Variants in NTRK2 observed in about 807,000 individuals in gnomAD.
NTRK2 encodes neurotrophic receptor tyrosine kinase 2.
NTRK2 carries 13 observed loss-of-function variants against 94.5 expected under a neutral mutation model. That is an observed-to-expected ratio of 0.14 (90% CI 0.09 to 0.22). The LOEUF is 0.22. Among genes scored for constraint, NTRK2 ranks in the 10% least tolerant of loss-of-function variants. The pLI, the probability that NTRK2 is intolerant of heterozygous loss-of-function variation, is 1.00. For missense variants in NTRK2, 639 were observed against 1,071.2 expected, an observed-to-expected ratio of 0.60 and a Z score of 5.63; for synonymous variants, 372 against 407.4, an observed-to-expected ratio of 0.91 and a Z score of 1.05.
Position 84,882,714 on chromosome 9 carries a change from GTGTGTGCGCGCGCGCGCGCA to G in NTRK2, c.1633+15291_1633+15310del, listed in dbSNP as rs985323949. On this transcript the variant is annotated intron_variant, in intron 14 of 18. Coordinates refer to ENST00000277120, the MANE Select transcript of NTRK2 (RefSeq NM_006180.6). ...TTTGTTCTAGTGTGTGTGTGTGTGT[GTGTGTGCGCGCGCGCGCGCA>G]TGTGTGCATTATAATAACTAGAAAT... 1.1e-3 allele frequency among the ~76,000 whole-genome samples: 165 copies of G among 149,856 alleles called. 2 individuals carry two copies. Among genetic ancestry groups the G allele is most frequent in the African/African-American group, 3.0e-3 (121 of 39,812 alleles).
chr9:84,837,958 T>C (rs1182847599), intron 12 of NTRK2, among the ~76,000 whole-genome samples: 1 of 152,204 alleles, frequency 6.6e-6, no homozygotes, highest in East Asian at 1.9e-4. Flanking sequence ...AAGTTCTGGC[T>C]AATGGCATAA....
At chr9:84,707,030 A>G (rs2061145438) in intron 4 of NTRK2, among the ~76,000 whole-genome samples, 1 of 152,230 alleles carries the variant, frequency 6.6e-6, no homozygotes, top group Admixed American at 6.5e-5. Flanking sequence ...AAATTTAAAC[A>G]GTAAACAAAT....
intron 15 of NTRK2, among the ~76,000 whole-genome samples, chr9:84,944,927 A>G (rs775500878): frequency 2.6e-5 from 4 of 152,200 alleles, no homozygotes; most frequent in Non-Finnish European, 5.9e-5. Context: ...AGATGATGAT[A>G]TTGTTATCCT....
chr9:84,838,989 G>A (rs944304440), intron 12 of NTRK2, among the ~76,000 whole-genome samples: 1 of 151,966 alleles, frequency 6.6e-6, no homozygotes, highest in African/African-American at 2.4e-5. Context: ...GCCTTGGGAG[G>A]TGAAATAACA....
Position 85,023,499 on chromosome 9 carries a change from G to C in NTRK2, c.*2062G>C, listed in dbSNP as rs201190152. 2 of 232,742 alleles carry C rather than the reference G, an allele frequency of 8.6e-6. No individual in the cohort carries two copies. The highest frequency in any genetic ancestry group is 6.1e-5 in the East Asian group (1 of 16,512). 14.4% of individuals were successfully genotyped at this position (232,742 alleles called of 1,614,324 possible). On this transcript the variant is annotated 3_prime_UTR_variant, in exon 19 of 19. Coordinates refer to ENST00000277120, the MANE Select transcript of NTRK2 (RefSeq NM_006180.6). ...CAGTAGCAACTGCAGTCAAGCGAGG[G>C]AGTTGACAAGATAAACCTTACGTCC...
intron 12 of NTRK2, among the ~76,000 whole-genome samples, chr9:84,821,897 A>G (rs994644924): frequency 6.6e-6 from 1 of 151,888 alleles, no homozygotes; most frequent in African/African-American, 2.4e-5. Context: ...TTTCTTGGTT[A>G]TGAGGTGCAT....
chr9:84,752,133 C>A, intron 12 of NTRK2, 48 bp downstream of exon 12: 1 of 1,426,694 alleles, frequency 7.0e-7, no homozygotes, highest in Non-Finnish European at 9.9e-7. Context: ...TCATTTTTGG[C>A]TTATGACTAA....
rs140948013 is a variant in NTRK2, at chr9:84,725,069, G to A, written c.853+713G>A. Among the ~76,000 whole-genome samples the A allele has an allele frequency of 1.3e-4, 20 of 152,190 alleles. No homozygotes were observed. The Middle Eastern group carries it at 0.014, about 104-fold the overall frequency. ...AGTAAAAACTATATAGACACTTCAC[G>A]TCATTGTAAATTCTGAGCTGGCACG... is the stretch of plus-strand genomic sequence containing the variant. On this transcript the variant is annotated intron_variant, in intron 8 of 18. Coordinates refer to ENST00000277120, the MANE Select transcript of NTRK2 (RefSeq NM_006180.6).
chr9:84,871,554 A>T (rs1002005215), intron 14 of NTRK2, among the ~76,000 whole-genome samples: 2 of 152,222 alleles, frequency 1.3e-5, no homozygotes, highest in African/African-American at 4.8e-5. Context: ...TGGCTTTAAA[A>T]ACAAAACAAT....
At chr9:84,987,406 A>G (rs1267950317) in intron 17 of NTRK2, among the ~76,000 whole-genome samples, 2 of 152,188 alleles carry the variant, frequency 1.3e-5, no homozygotes, top group African/African-American at 4.8e-5. Flanking sequence ...TCCATGCACA[A>G]AGGGGATCAC....
At chr9:84,684,992 T>A (rs1309413680) in intron 2 of NTRK2, among the ~76,000 whole-genome samples, 6 of 152,226 alleles carry the variant, frequency 3.9e-5, no homozygotes, top group East Asian at 3.9e-4. Flanking sequence ...AGCTTATTTT[T>A]TTTTTCTATG....
intron 14 of NTRK2, chr9:84,877,618 A>G: frequency 1.9e-6 from 2 of 1,065,518 alleles, no homozygotes; most frequent in Non-Finnish European, 2.3e-6. Context: ...GGGCTGCGGT[A>G]GGATAGGGAA....
intron 17 of NTRK2, among the ~76,000 whole-genome samples, chr9:85,003,726 T>C (rs1164792945): frequency 6.6e-6 from 1 of 151,540 alleles, no homozygotes; most frequent in East Asian, 1.9e-4. Context: ...GAAGCAAGAG[T>C]GAAAGCAGAC....
intron 12 of NTRK2, chr9:84,814,284 C>A: frequency 1.9e-6 from 2 of 1,065,270 alleles, no homozygotes; most frequent in Non-Finnish European, 2.3e-6. Flanking sequence ...TCAGACAGAG[C>A]AGAGGCGACA....
chr9:84,987,046 A>G (rs1399969569), intron 17 of NTRK2, among the ~76,000 whole-genome samples: 1 of 152,258 alleles, frequency 6.6e-6, no homozygotes, highest in Non-Finnish European at 1.5e-5. Context: ...ACCTGCTCCT[A>G]TAAATGGGAT....
chr9:84,964,289 G>A (rs1169798911), intron 17 of NTRK2, among the ~76,000 whole-genome samples: 1 of 152,198 alleles, frequency 6.6e-6, no homozygotes, highest in African/African-American at 2.4e-5. Flanking sequence ...CAAGACCACA[G>A]CAATGCTTAC....
chr9:84,760,263 T>C (rs1266468237), intron 12 of NTRK2, among the ~76,000 whole-genome samples: 1 of 152,212 alleles, frequency 6.6e-6, no homozygotes, highest in Non-Finnish European at 1.5e-5. Context: ...CTTCAGGTGA[T>C]TATAAGAATT....
chr9:84,691,681 G>A (rs1433788399), intron 2 of NTRK2, among the ~76,000 whole-genome samples: 1 of 152,132 alleles, frequency 6.6e-6, no homozygotes, highest in African/African-American at 2.4e-5. Context: ...AGAGATGCAG[G>A]CTTCCTGGGG....
At chr9:84,954,622 A>ATGAAC (rs1410806541) in intron 16 of NTRK2, among the ~76,000 whole-genome samples, 2 of 152,208 alleles carry the variant, frequency 1.3e-5, no homozygotes, top group Admixed American at 1.3e-4. Flanking sequence ...TGTATTGAGA[A>ATGAAC]TGAACATCCA....
Sources: gnomAD v4.1 joint callset for allele counts (sites outside exome capture counted in the v4.1 genomes callset) on GRCh38, gnomAD v4.1.1 for gene constraint, MANE v1.5 for transcripts, NCBI Gene and HGNC (gene_info 2026-07-23, HGNC 2026-07-21) for gene names.